The following ASZ1 variants were observed in gnomAD, a reference collection of about 807,000 sequenced individuals.
ASZ1 encodes the protein ankyrin repeat, SAM and basic leucine zipper domain containing 1, also known as ankyrin repeat, SAM and basic leucine zipper domain-containing protein 1.
A neutral mutation model predicts 61.8 loss-of-function variants in ASZ1; 67 were observed. The ratio of observed to expected loss-of-function variants is 1.08; its 90% confidence interval spans 0.89 to 1.33. The LOEUF (loss-of-function observed/expected upper bound fraction) is 1.33. Ranked by LOEUF, ASZ1 falls within the 40% of genes most tolerant of loss-of-function variation. ASZ1 has a pLI of 0.00. For missense variants in ASZ1, 577 were observed against 554.5 expected (o/e 1.04, Z -0.41); for synonymous variants, 193 against 192.7 (o/e 1.00, Z -0.01).
At position 117,382,698 on chromosome 7, in the gene ASZ1, GT is replaced by G. The variant is rs1409675108; in HGVS notation, c.812+287del. ...ACTAAAAATAATTAGAAAACAAGGT[GT>G]TATACTGTTTGAACACTAATATAAT... is the stretch of plus-strand genomic sequence containing the variant. On this transcript the variant is annotated intron_variant, in intron 7 of 12. Coordinates refer to ENST00000284629, the MANE Select transcript of ASZ1 (RefSeq NM_130768.3). Among the ~76,000 whole-genome samples the G allele has an allele frequency of 3.3e-5, 5 of 152,088 alleles. No individual in the cohort carries two copies. The East Asian group carries it at 9.7e-4, about 29-fold the overall frequency.
intron 2 of ASZ1, among the ~76,000 whole-genome samples, chr7:117,424,701 A>G (rs79640747): frequency 0.021 from 3,195 of 152,284 alleles, 113 homozygotes; most frequent in African/African-American, 0.073. Context: ...TCTTTTCTAA[A>G]ACAAATCTCT....
intron 4 of ASZ1, among the ~76,000 whole-genome samples, chr7:117,418,968 A>T (rs1797050201): frequency 6.6e-6 from 1 of 152,146 alleles, no homozygotes; most frequent in Admixed American, 6.5e-5. Flanking sequence ...CTTAAAAAAA[A>T]ATACAGGTTT....
chr7:117,381,394 T>C (rs1042732957), intron 8 of ASZ1, among the ~76,000 whole-genome samples: 1 of 152,148 alleles, frequency 6.6e-6, no homozygotes, highest in African/African-American at 2.4e-5. Flanking sequence ...TCTGACTGTA[T>C]CACATTAAAC....
At chr7:117,397,690 A>G (rs749979049) in intron 4 of ASZ1, among the ~76,000 whole-genome samples, 5 of 152,228 alleles carry the variant, frequency 3.3e-5, no homozygotes, top group Non-Finnish European at 7.3e-5. Context: ...AGAGAACATA[A>G]GGCCAATTCA....
chr7:117,367,027 C>T (rs1795953944), intron 12 of ASZ1, among the ~76,000 whole-genome samples: 1 of 152,156 alleles, frequency 6.6e-6, no homozygotes, highest in African/African-American at 2.4e-5. Flanking sequence ...GTATTTGGCA[C>T]ATCCTGCCAA....
chr7:117,371,261 T>C (rs578138342), intron 10 of ASZ1, among the ~76,000 whole-genome samples: 7 of 152,304 alleles, frequency 4.6e-5, no homozygotes, highest in African/African-American at 1.7e-4. Flanking sequence ...ATGAAAATAA[T>C]AGCAAACTTC....
At chr7:117,397,050 A>AT (rs1172711205) in intron 4 of ASZ1, among the ~76,000 whole-genome samples, 3 of 151,522 alleles carry the variant, frequency 2.0e-5, no homozygotes, top group African/African-American at 7.2e-5. Flanking sequence ...AAATTATTTA[A>AT]TTTAATAACA....
intron 5 of ASZ1, 83 bp from the exon 6 acceptor site, chr7:117,384,943 G>T: frequency 8.1e-7 from 1 of 1,241,640 alleles, no homozygotes. Context: ...CAGTATTTAT[G>T]ACACAATAAA....
intron 10 of ASZ1, among the ~76,000 whole-genome samples, chr7:117,375,621 A>G (rs1205864872): frequency 6.6e-6 from 1 of 152,066 alleles, no homozygotes; most frequent in Non-Finnish European, 1.5e-5. Flanking sequence ...TTGAAATCAT[A>G]CAGTGTATAT....
At chr7:117,411,666 G>A (rs1489513083) in intron 4 of ASZ1, among the ~76,000 whole-genome samples, 8 of 151,868 alleles carry the variant, frequency 5.3e-5, no homozygotes, top group Non-Finnish European at 1.0e-4. Context: ...TATTATCATC[G>A]TTATGGCAAA....
chr7:117,369,803 CATT>C (rs1269509441), intron 10 of ASZ1, among the ~76,000 whole-genome samples: 5 of 152,128 alleles, frequency 3.3e-5, no homozygotes, highest in African/African-American at 9.7e-5. Flanking sequence ...TAAAAGAAAA[CATT>C]ATGGCATAAT....
intron 2 of ASZ1, among the ~76,000 whole-genome samples, chr7:117,426,488 CAAAAAAAAAAAAAA>C (rs10625452): frequency 2.9e-5 from 1 of 34,016 alleles, no homozygotes; most frequent in Non-Finnish European, 5.1e-5. Flanking sequence ...GATAACATCT[CAAAAAAAAAAAAAA>C]AAAAAAAAGA....
chr7:117,395,148 T>C (rs1430085564), intron 4 of ASZ1, among the ~76,000 whole-genome samples: 1 of 152,200 alleles, frequency 6.6e-6, no homozygotes, highest in Non-Finnish European at 1.5e-5. Flanking sequence ...ATTTTAGGTA[T>C]TGCTAGAGTT....
chr7:117,398,434 C>G (rs1796616129), intron 4 of ASZ1, among the ~76,000 whole-genome samples: 1 of 152,196 alleles, frequency 6.6e-6, no homozygotes, highest in East Asian at 1.9e-4. Flanking sequence ...GGAAACAATC[C>G]AAGTGTTCTT....
chr7:117,401,356 T>C (rs1796676089), intron 4 of ASZ1, among the ~76,000 whole-genome samples: 2 of 148,796 alleles, frequency 1.3e-5, no homozygotes, highest in South Asian at 4.2e-4. Flanking sequence ...AACCCCACTA[T>C]ACATAGGGAT....
intron 10 of ASZ1, among the ~76,000 whole-genome samples, chr7:117,378,121 C>A (rs1159928020): frequency 1.3e-5 from 2 of 152,072 alleles, no homozygotes; most frequent in Non-Finnish European, 2.9e-5. Context: ...GACCTAATTT[C>A]TTAAACTGTT....
intron 4 of ASZ1, among the ~76,000 whole-genome samples, chr7:117,402,674 G>C (rs1382707304): frequency 6.6e-6 from 1 of 152,116 alleles, no homozygotes; most frequent in Admixed American, 6.5e-5. Context: ...CTGAGGAGTT[G>C]GGCCAAATGG....
chr7:117,389,844 A>G (rs1796429538), intron 4 of ASZ1, among the ~76,000 whole-genome samples: 1 of 152,068 alleles, frequency 6.6e-6, no homozygotes. Context: ...TCCTTTCACC[A>G]CATCTCGTTT....
chr7:117,409,978 C>A (rs756630088), intron 4 of ASZ1, among the ~76,000 whole-genome samples: 40 of 151,752 alleles, frequency 2.6e-4, no homozygotes, highest in Non-Finnish European at 4.7e-4. Context: ...TGGGATTACA[C>A]ATTTATTATA....
Sources: gnomAD v4.1 joint callset for allele counts (sites outside exome capture counted in the v4.1 genomes callset) on GRCh38, gnomAD v4.1.1 for gene constraint, MANE v1.5 for transcripts, NCBI Gene and HGNC (gene_info 2026-07-23, HGNC 2026-07-21) for gene names.